The following FOXK2 variants were observed in gnomAD, a reference collection of about 807,000 sequenced individuals.
FOXK2 encodes the protein forkhead box protein K2.
A neutral mutation model predicts 53.3 loss-of-function variants in FOXK2; 24 were observed. The observed-to-expected ratio is 0.45, with a 90% CI of 0.33 to 0.63. FOXK2 has a LOEUF of 0.63. Among genes scored for constraint, FOXK2 ranks in the 30% least tolerant of loss-of-function variants. The pLI, the probability that FOXK2 is intolerant of heterozygous loss-of-function variation, is 0.03. For synonymous variants in FOXK2, 505 were observed against 407.1 expected, an observed-to-expected ratio of 1.24 and a Z score of -2.89; for missense variants, 952 against 910.5, an observed-to-expected ratio of 1.05 and a Z score of -0.59.
At chr17:82,591,125 C>T (rs2045249390) in intron 8 of FOXK2, among the ~76,000 whole-genome samples, 1 of 152,162 alleles carries the variant, frequency 6.6e-6, no homozygotes. Flanking sequence ...CACTGTAGCC[C>T]TGGCCTTGCA....
chr17:82,538,385 T>A (rs1345710160), intron 1 of FOXK2, among the ~76,000 whole-genome samples: 1 of 152,156 alleles, frequency 6.6e-6, no homozygotes, highest in Non-Finnish European at 1.5e-5. Context: ...CTTGGGAGGC[T>A]AAGATGGGAA....
Position 82,603,872 on chromosome 17 carries a change from A to G in FOXK2, c.*2373A>G, listed in dbSNP as rs1025466072. 3.9e-5 allele frequency: 6 copies of G among 152,182 alleles called. No homozygotes were observed. The highest frequency in any genetic ancestry group is 1.4e-4 in the African/African-American group (6 of 41,432). The allele number at this position is 152,182 out of a possible 1,614,324, so 9.4% of individuals were successfully genotyped here. A position where few individuals can be genotyped will look rare whatever the true frequency, so the allele number is the denominator to read the frequency against. ...TTCATTGGTACCTAGGAATTTAAGA[A>G]TATCGAAGCGAGAGCAGTAACAAAC... On this transcript the variant is annotated 3_prime_UTR_variant, in exon 9 of 9. Transcript: ENST00000335255.
At chr17:82,537,007 G>A (rs1223680432) in intron 1 of FOXK2, among the ~76,000 whole-genome samples, 2 of 152,176 alleles carry the variant, frequency 1.3e-5, no homozygotes, top group Non-Finnish European at 2.9e-5. Flanking sequence ...GAGGTCTCCA[G>A]CAGCTTCTGG....
chr17:82,552,587 T>C (rs571200521), intron 1 of FOXK2, among the ~76,000 whole-genome samples: 1 of 152,352 alleles, frequency 6.6e-6, no homozygotes, highest in Non-Finnish European at 1.5e-5. Flanking sequence ...ACAGCATTAG[T>C]GATTTCGTCG....
In FOXK2 at chr17:82,586,120, A is replaced by C; in HGVS notation, c.1496A>C (p.Gln499Pro). ...GCGAACACGTACACTGTCTCTGGAC[A>C]AGCTGTGGTCACCCCGGCAGCCGTG... ...APANTYTVSG[Q>P]AVVTPAAVLA... is the part of the protein sequence containing the mutation. The change falls in exon 7 of 9, where the codon CAA becomes CCA. Residue 499 changes from glutamine (Q) to proline (P), a missense_variant. Gln to Pro is a moderately conservative substitution (Grantham distance 76). Transcript: ENST00000335255. The C allele has an allele frequency of 6.2e-7, 1 of 1,612,644 alleles. No homozygotes were observed. Among genetic ancestry groups the C allele is most frequent in the Middle Eastern group, 1.7e-4 (1 of 6,060 alleles).
At chr17:82,533,712 C>T (rs1164711716) in intron 1 of FOXK2, among the ~76,000 whole-genome samples, 3 of 151,982 alleles carry the variant, frequency 2.0e-5, no homozygotes, top group African/African-American at 7.3e-5. Context: ...ATAATCTTAA[C>T]GGGACCCTCA....
chr17:82,570,194 C>A (rs981698739), intron 3 of FOXK2, among the ~76,000 whole-genome samples: 1 of 149,600 alleles, frequency 6.7e-6, no homozygotes, highest in African/African-American at 2.5e-5. Context: ...TGCACTCCAG[C>A]CTGAGTGACA....
At chr17:82,586,625 G>C (rs191427998) in intron 7 of FOXK2, among the ~76,000 whole-genome samples, 1 of 152,016 alleles carries the variant, frequency 6.6e-6, no homozygotes, top group African/African-American at 2.4e-5. Context: ...TCCTTGGCCA[G>C]GTACAGTGGC....
At chr17:82,563,287 T>C (rs1012438335) in intron 1 of FOXK2, 67 bp from the exon 2 acceptor site, 6 of 1,477,490 alleles carry the variant, frequency 4.1e-6, no homozygotes, top group Non-Finnish European at 5.5e-6. Context: ...TGTGGGGACA[T>C]GTGGGGACTC....
intron 7 of FOXK2, 44 bp from the exon 8 acceptor site, chr17:82,587,019 G>T (rs1416463995): frequency 2.5e-6 from 4 of 1,576,204 alleles, no homozygotes; most frequent in Non-Finnish European, 3.5e-6. Context: ...ATTTTTATTT[G>T]CTTTCCAGTA....
intron 8 of FOXK2, chr17:82,596,150 C>T: frequency 9.7e-7 from 1 of 1,027,830 alleles, no homozygotes; most frequent in Non-Finnish European, 1.2e-6. Context: ...GGAGGAGCAT[C>T]TGAGGTGGTC....
At chr17:82,588,838 C>T (rs2045224313) in intron 8 of FOXK2, among the ~76,000 whole-genome samples, 1 of 146,698 alleles carries the variant, frequency 6.8e-6, no homozygotes, top group South Asian at 2.2e-4. Flanking sequence ...ATCACGAGGT[C>T]AGGAGTTCAA....
intron 6 of FOXK2, among the ~76,000 whole-genome samples, chr17:82,584,968 C>CA (rs2045115788): frequency 6.6e-6 from 1 of 152,250 alleles, no homozygotes; most frequent in African/African-American, 2.4e-5. Context: ...GAAATGTGTC[C>CA]AAACTGTCTG....
At chr17:82,565,108 A>G (rs1427212854) in intron 2 of FOXK2, among the ~76,000 whole-genome samples, 1 of 152,132 alleles carries the variant, frequency 6.6e-6, no homozygotes, top group African/African-American at 2.4e-5. Flanking sequence ...TACCAGGTAA[A>G]CGGTATGTCC....
intron 8 of FOXK2, 195 bp from the exon 9 acceptor site, chr17:82,601,108 T>G: frequency 1.7e-6 from 1 of 575,330 alleles, no homozygotes; most frequent in Non-Finnish European, 3.0e-6. Context: ...TCCTGTGCCC[T>G]TGGCCACCGT....
At chr17:82,534,113 G>T (rs1337337644) in intron 1 of FOXK2, among the ~76,000 whole-genome samples, 1 of 151,884 alleles carries the variant, frequency 6.6e-6, no homozygotes, top group African/African-American at 2.4e-5. Context: ...AGATGTTGTG[G>T]CAAGGGCCTC....
chr17:82,568,008 C>A, intron 2 of FOXK2, 46 bp from the exon 3 acceptor site: 1 of 1,504,878 alleles, frequency 6.6e-7, no homozygotes, highest in Non-Finnish European at 8.9e-7. Context: ...CAGTAGGATG[C>A]GTGCACTGTG....
At chr17:82,582,490 A>G (rs1044380507) in intron 4 of FOXK2, among the ~76,000 whole-genome samples, 1 of 152,120 alleles carries the variant, frequency 6.6e-6, no homozygotes, top group African/African-American at 2.4e-5. Context: ...CAGCCTGTAA[A>G]CGTCACTCTC....
chr17:82,604,460 TGACACAAG>T lies in FOXK2; in HGVS notation c.*2964_*2971del, dbSNP rs1382626024. On this transcript the variant is annotated 3_prime_UTR_variant, in exon 9 of 9. Coordinates refer to ENST00000335255, the MANE Select transcript of FOXK2 (RefSeq NM_004514.4). ...GAGGACTTGGGGTTTCTGTGCTGTG[TGACACAAG>T]GAGATAAGTGACAATCTTGAAGTCC... The T allele has an allele frequency of 1.3e-5, 2 of 152,562 alleles. No homozygotes were observed. The highest frequency in any genetic ancestry group is 2.9e-5 in the Non-Finnish European group (2 of 68,032). 9.5% of individuals were successfully genotyped at this position (152,562 alleles called of 1,614,324 possible). A position where few individuals can be genotyped will look rare whatever the true frequency, so the allele number is the denominator to read the frequency against.
Sources: gnomAD v4.1 joint callset for allele counts (sites outside exome capture counted in the v4.1 genomes callset) on GRCh38, gnomAD v4.1.1 for gene constraint, MANE v1.5 for transcripts, NCBI Gene and HGNC (gene_info 2026-07-23, HGNC 2026-07-21) for gene names.